GIMAP8: variants seen among roughly 807,000 people sequenced by gnomAD.
GIMAP8 encodes GTPase IMAP family member 8.
In GIMAP8, 29 loss-of-function variants were observed where a neutral mutation model predicts 35.6. The observed-to-expected ratio is 0.81, with a 90% confidence interval of 0.61 to 1.11. GIMAP8 has a LOEUF of 1.11. Ranked by LOEUF, GIMAP8 falls within the 50% of genes most tolerant of loss-of-function variation. The pLI is 0.00. For synonymous variants in GIMAP8, 335 were observed against 308.7 expected (o/e 1.09, Z -0.89); for missense variants, 811 against 805.0 (o/e 1.01, Z -0.09).
At chr7:150,455,126 G>A (rs1432697369) in intron 1 of GIMAP8, among the ~76,000 whole-genome samples, 11 of 111,936 alleles carry the variant, frequency 9.8e-5, no homozygotes, top group East Asian at 7.5e-4. Flanking sequence ...CAACAAGAGC[G>A]AAATTCCATC....
rs1341151893 is a variant in GIMAP8 at position 150,477,259 on chromosome 7, G to A, written c.1477G>A (p.Asp493Asn). 6.2e-7 allele frequency: 1 copy of A among 1,613,992 alleles called. No individual in the cohort carries two copies. The highest frequency in any genetic ancestry group is 1.3e-5 in the African/African-American group (1 of 74,898). The change falls in exon 5 of 5, where the codon GAC becomes AAC. Residue 493 changes from aspartate (D) to asparagine (N), a missense_variant. Physicochemically the swap from Asp to Asn is conservative, Grantham distance 23. Coordinates refer to ENST00000307271, the MANE Select transcript of GIMAP8 (RefSeq NM_175571.4). ...TWDGQEVVVV[D>N]TPSFNQMLDV... ...GGACGGACAGGAGGTGGTGGTTGTG[G>A]ACACTCCTTCCTTCAACCAGATGCT...
intron 1 of GIMAP8, among the ~76,000 whole-genome samples, chr7:150,456,946 C>T (rs946674796): frequency 2.6e-5 from 4 of 151,926 alleles, no homozygotes; most frequent in African/African-American, 9.7e-5. Context: ...AAAAAATGCA[C>T]AGTGTGCTGA....
rs184117635 is a variant in GIMAP8 at position 150,460,978 on chromosome 7, T to A, written c.-28-5693T>A. Among the ~76,000 whole-genome samples the A allele has an allele frequency of 2.4e-3, 364 of 152,374 alleles. 2 individuals carry two copies. The highest frequency in any genetic ancestry group is 8.2e-3 in the African/African-American group (339 of 41,582). On this transcript the variant is annotated intron_variant, in intron 1 of 4. Coordinates refer to ENST00000307271, the MANE Select transcript of GIMAP8 (RefSeq NM_175571.4). ...TTCTCAAAAGGTGACTAGTTATTCA[T>A]AGACAATAGCAAGGCTTTGCTCCAA...
Position 150,474,168 on chromosome 7 carries a change from A to T in GIMAP8, c.839A>T (p.Gln280Leu). The part of the protein sequence containing the change: ...RQAFQTGFSE[Q>L]SVTQSFLSES... ...GCCTTTCAGACCGGATTTAGTGAGC[A>T]GTCAGTAACCCAGAGCTTCTTGTCT... Residue 280 changes from glutamine to leucine, a missense_variant, in exon 4 of 5, where the codon CAG (glutamine) becomes CTG (leucine). Transcript: ENST00000307271. The T allele has an allele frequency of 6.2e-7, 1 of 1,614,228 alleles. No individual in the cohort carries two copies.
rs774306095 is a variant in GIMAP8, at chr7:150,467,072, C to T, written c.374C>T (p.Ala125Val). Residue 125 changes from alanine (A) to valine (V), a missense_variant, in exon 2 of 5, where the codon GCC (alanine) becomes GTC (valine). Transcript: ENST00000307271. ...ATCCAACAAGTGTTTGGAGCTGAAGCCAGGAGGCACATCATTATTGTCTTC... is the reference window on the plus strand; with the variant it reads ...ATCCAACAAGTGTTTGGAGCTGAAGTCAGGAGGCACATCATTATTGTCTTC... ...KGIQQVFGAE[A>V]RRHIIIVFTR... 8 of 1,614,148 alleles carry T rather than the reference C, an allele frequency of 5.0e-6. No homozygotes were observed. In the Admixed American group the frequency reaches 1.2e-4, roughly 24 times the overall value.
At position 150,477,578 on chromosome 7, in the gene GIMAP8, G is replaced by C; in HGVS notation, c.1796G>C (p.Cys599Ser). The C allele has an allele frequency of 1.9e-6, 3 of 1,614,208 alleles. No homozygotes were observed. Among genetic ancestry groups the C allele is most frequent in the South Asian group, 2.2e-5 (2 of 91,086 alleles). ...RIFKKCGRRV[C>S]AFNNKETGQA... ...TTTAAAAAGTGTGGGCGGCGAGTTT[G>C]TGCTTTTAACAACAAAGAAACAGGC... The change falls in exon 5 of 5, where the codon TGT (cysteine) becomes TCT (serine). Residue 599 changes from cysteine to serine, a missense_variant. Physicochemically the swap from Cys to Ser is moderately radical, Grantham distance 112. Transcript: ENST00000307271.
In GIMAP8 at chr7:150,477,284, T is replaced by G; in HGVS notation, c.1502T>G (p.Leu501Arg). ...GACACTCCTTCCTTCAACCAGATGC[T>G]GGATGTCGAAAAGGACCCATCCCGG... ...VVDTPSFNQM[L>R]DVEKDPSRLE... The change falls in exon 5 of 5, where the codon CTG (leucine) becomes CGG (arginine). Residue 501 changes from leucine to arginine, a missense_variant. By Grantham distance (102) the Leu-to-Arg change is moderately radical. Transcript: ENST00000307271. 6.2e-7 allele frequency: 1 copy of G among 1,614,088 alleles called. No individual in the cohort carries two copies.
chr7:150,467,045 G>A lies in GIMAP8; in HGVS notation c.347G>A (p.Gly116Asp), dbSNP rs745785913. The change falls in exon 2 of 5, where the codon GGC becomes GAC. Residue 116 changes from glycine (G) to aspartate (D), a missense_variant. By Grantham distance (94) the Gly-to-Asp change is moderately conservative. Transcript: ENST00000307271. ...FTREDEETAK[G>D]IQQVFGAEAR... ...AGGGAGGATGAGGAAACAGCCAAGG[G>A]CATCCAACAAGTGTTTGGAGCTGAA... The A allele has an allele frequency of 6.2e-7, 1 of 1,614,214 alleles. No individual in the cohort carries two copies. The highest frequency in any genetic ancestry group is 2.2e-5 in the East Asian group (1 of 44,892).
At chr7:150,476,489 A>T (rs1802232173) in intron 4 of GIMAP8, among the ~76,000 whole-genome samples, 1 of 152,254 alleles carries the variant, frequency 6.6e-6, no homozygotes, top group Non-Finnish European at 1.5e-5. Context: ...CTGACTCATC[A>T]GTGAAAGGCA....
rs1801581793 is a variant in GIMAP8, at chr7:150,450,653, GC to G, written c.-550del. 6.6e-6 allele frequency: 1 copy of G among 152,184 alleles called. No individual in the cohort carries two copies. The highest frequency in any genetic ancestry group is 2.4e-5 in the African/African-American group (1 of 41,422). The allele number at this position is 152,184 out of a possible 1,614,324, so 9.4% of individuals were successfully genotyped here. ...CTGGCTTTGCTCAGAGCTTGTAGCG[GC>G]GCCACAATCTCTGTCCTCTCAGGAA... is the stretch of plus-strand genomic sequence containing the variant. On this transcript the variant is annotated 5_prime_UTR_variant, in exon 1 of 5. Coordinates refer to ENST00000307271, the MANE Select transcript of GIMAP8 (RefSeq NM_175571.4). This position sits in a 1 kb window ranked among gnomAD's most constrained non-coding sequence, Gnocchi z 4.4.
At chr7:150,452,575 GTATGTATA>G (rs1476184629) in intron 1 of GIMAP8, among the ~76,000 whole-genome samples, 11 of 144,620 alleles carry the variant, frequency 7.6e-5, no homozygotes, top group East Asian at 5.9e-4. Context: ...ATGTGTGTGT[GTATGTATA>G]TATGTATATA....
rs1476940153 is a variant in GIMAP8, at chr7:150,472,217, G to A, written c.682+1343G>A. Among the ~76,000 whole-genome samples, 1 of 152,198 alleles carries A rather than the reference G, an allele frequency of 6.6e-6. No homozygotes were observed. Among genetic ancestry groups the A allele is most frequent in the African/African-American group, 2.4e-5 (1 of 41,458 alleles). ...GACTTTTTATAGGATGTGGGCTCATGTTAGGTGATTCTGAGGAAGGTTCCA... is the reference window on the plus strand; with the variant it reads ...GACTTTTTATAGGATGTGGGCTCATATTAGGTGATTCTGAGGAAGGTTCCA... On this transcript the variant is annotated intron_variant, in intron 3 of 4. Coordinates refer to ENST00000307271, the MANE Select transcript of GIMAP8 (RefSeq NM_175571.4). The surrounding 1 kb of genome is among the most constrained non-coding windows in gnomAD (Gnocchi z 4.1).
rs1409069373 is a variant in GIMAP8, at chr7:150,477,193, C to T, written c.1411C>T (p.Gln471Ter). 2 of 1,614,142 alleles carry T rather than the reference C, an allele frequency of 1.2e-6. No individual in the cohort carries two copies. Among genetic ancestry groups the T allele is most frequent in the South Asian group, 2.2e-5 (2 of 91,080 alleles). ...SLVFTSRLRAQPVTKTSQSGR... is the reference protein window; with the variant it reads ...SLVFTSRLRA Reference sequence around the variant, plus strand: ...CGTCTTCACCTCTCGGCTCCGGGCCCAGCCAGTCACCAAGACCAGCCAGAG... The same window carrying T: ...CGTCTTCACCTCTCGGCTCCGGGCCTAGCCAGTCACCAAGACCAGCCAGAG... Residue 471 changes from glutamine (Q) to a stop codon, truncating the protein, a stop_gained, in exon 5 of 5, where the codon CAG becomes TAG. Transcript: ENST00000307271. LOFTEE classifies it low-confidence loss of function (END_TRUNC).
chr7:150,471,463 C>A (rs1007028858), intron 3 of GIMAP8, among the ~76,000 whole-genome samples: 1 of 152,152 alleles, frequency 6.6e-6, no homozygotes. Context: ...AGTATCCAGT[C>A]GTGAATAAGA....
intron 1 of GIMAP8, among the ~76,000 whole-genome samples, chr7:150,465,802 A>G (rs182516776): frequency 1.3e-5 from 2 of 152,366 alleles, no homozygotes; most frequent in African/African-American, 4.8e-5. Context: ...AGCACTATCT[A>G]TATACTGAAA....
At chr7:150,475,478 A>T (rs1391357102) in intron 4 of GIMAP8, among the ~76,000 whole-genome samples, 5 of 152,184 alleles carry the variant, frequency 3.3e-5, no homozygotes, top group Admixed American at 6.5e-5. Flanking sequence ...AGTGTCTTGA[A>T]GAAAGGAGCT....
At chr7:150,453,310 C>A (rs983299158) in intron 1 of GIMAP8, among the ~76,000 whole-genome samples, 1 of 152,170 alleles carries the variant, frequency 6.6e-6, no homozygotes, top group Non-Finnish European at 1.5e-5. Context: ...CCTGGTGGAC[C>A]GGTTCTGAGG....
chr7:150,454,639 T>A (rs1801688949), intron 1 of GIMAP8, among the ~76,000 whole-genome samples: 1 of 152,200 alleles, frequency 6.6e-6, no homozygotes. Context: ...ACATTCTTTT[T>A]GAGCCTACAG....
chr7:150,454,921 C>A (rs1801694606), intron 1 of GIMAP8, among the ~76,000 whole-genome samples: 1 of 152,014 alleles, frequency 6.6e-6, no homozygotes, highest in Non-Finnish European at 1.5e-5. Context: ...GGTGGATCAC[C>A]TGAGGTTGGG....
Sources: allele counts gnomAD v4.1 joint callset (sites outside exome capture counted in the v4.1 genomes callset), GRCh38; gene constraint gnomAD v4.1.1; non-coding constraint Gnocchi (gnomAD v3.1); transcripts MANE v1.5; gene names NCBI Gene and HGNC (gene_info 2026-07-23, HGNC 2026-07-21).